Variants in HSD17B4 observed in about 807,000 individuals in gnomAD.
The protein encoded by HSD17B4 is peroxisomal multifunctional enzyme type 2.
HSD17B4 carries 70 observed loss-of-function variants against 101.0 expected under a neutral mutation model. The ratio of observed to expected loss-of-function variants is 0.69; its 90% CI spans 0.57 to 0.85. HSD17B4 has a LOEUF of 0.85. Ranked by LOEUF, HSD17B4 falls within the 40% of genes least tolerant of loss-of-function variation. HSD17B4 has a pLI of 0.00. For missense variants in HSD17B4, 984 were observed against 892.4 expected (o/e 1.10, Z -1.31); for synonymous variants, 347 against 297.1 (o/e 1.17, Z -1.73).
chr5:119,454,028 T>A (rs1248502904), intron 1 of HSD17B4, among the ~76,000 whole-genome samples: 1 of 152,220 alleles, frequency 6.6e-6, no homozygotes, highest in Non-Finnish European at 1.5e-5. Flanking sequence ...TTTGACACCA[T>A]TAGCATACTT....
intron 23 of HSD17B4, among the ~76,000 whole-genome samples, chr5:119,539,213 T>C (rs967391634): frequency 6.6e-6 from 1 of 151,982 alleles, no homozygotes; most frequent in Non-Finnish European, 1.5e-5. Flanking sequence ...TAGACTGCAT[T>C]AAGAAAATGT....
rs257969 is a variant in HSD17B4 at position 119,501,963 on chromosome 5, T to C, written c.1210-78T>C. ...GAGCCTGTGGATGGTAAAATGTCAC[T>C]TGCGAGTAACAGTATCCATAGGCAG... On this transcript the variant is annotated intron_variant, in intron 13 of 23. Coordinates refer to ENST00000510025, the MANE Select transcript of HSD17B4 (RefSeq NM_000414.4). 0.33 allele frequency: 273,013 copies of C among 838,078 alleles called. 48,142 individuals carry two copies. The highest frequency in any genetic ancestry group is 0.4 in the Admixed American group (22,565 of 55,764). 51.9% of individuals were successfully genotyped at this position (838,078 alleles called of 1,614,324 possible). A position where few individuals can be genotyped will look rare whatever the true frequency, so the allele number is the denominator to read the frequency against.
chr5:119,514,362 TA>T (rs887475140), intron 16 of HSD17B4, among the ~76,000 whole-genome samples: 12 of 152,366 alleles, frequency 7.9e-5, no homozygotes, highest in African/African-American at 2.9e-4. Context: ...TATTCTATAA[TA>T]AAATTTTGCC....
chr5:119,509,582 T>C (rs1751984871), intron 16 of HSD17B4: 7 of 387,500 alleles, frequency 1.8e-5, no homozygotes, highest in South Asian at 1.5e-4. Context: ...CAGAGACAAG[T>C]GAATGTTTAT....
At chr5:119,488,036 C>CT (rs1481069763) in intron 8 of HSD17B4, among the ~76,000 whole-genome samples, 2 of 152,086 alleles carry the variant, frequency 1.3e-5, no homozygotes, top group Non-Finnish European at 2.9e-5. Flanking sequence ...ATCTTTTTTA[C>CT]TTTAACACAT....
At position 119,515,321 on chromosome 5, in the gene HSD17B4, T is replaced by C. The variant is rs147341214; in HGVS notation, c.1503+275T>C. ...TTGCATGTTGTTGGTAATGGAGTGC[T>C]TTCTTTGGAGAGGCCGCCCACTTTA... is the stretch of plus-strand genomic sequence containing the variant. On this transcript the variant is annotated intron_variant, in intron 17 of 23. Transcript: ENST00000510025. Among the ~76,000 whole-genome samples the C allele has an allele frequency of 1.9e-4, 29 of 152,278 alleles. No homozygotes were observed. In the East Asian group the frequency reaches 4.6e-3, roughly 24 times the overall value.
In HSD17B4 at chr5:119,496,401, A is replaced by AC. The variant is rs1430644433; in HGVS notation, c.869-141dup. 1.9e-5 allele frequency: 12 copies of AC among 645,256 alleles called. No homozygotes were observed. In the Admixed American group the frequency reaches 3.2e-4, roughly 17 times the overall value. The allele number at this position is 645,256 out of a possible 1,614,324, so 40.0% of individuals were successfully genotyped here. ...ATTTTTTCCTTCAATAGCCTGACAT[A>AC]CATTCAGTTCATGAGTGGCAATGGA... is the stretch of plus-strand genomic sequence containing the variant. On this transcript the variant is annotated intron_variant, in intron 11 of 23. Coordinates refer to ENST00000510025, the MANE Select transcript of HSD17B4 (RefSeq NM_000414.4).
At chr5:119,530,479 G>A (rs918068019) in intron 21 of HSD17B4, among the ~76,000 whole-genome samples, 1 of 151,680 alleles carries the variant, frequency 6.6e-6, no homozygotes, top group African/African-American at 2.4e-5. Flanking sequence ...TTGAGGTTTC[G>A]ATACCCATGA....
At chr5:119,480,404 G>A (rs1749009792) in intron 8 of HSD17B4, among the ~76,000 whole-genome samples, 1 of 152,006 alleles carries the variant, frequency 6.6e-6, no homozygotes, top group African/African-American at 2.4e-5. Context: ...GGGTGTCCAG[G>A]GGAGACATCA....
At chr5:119,452,929 T>G in intron 1 of HSD17B4, 2 of 1,256,784 alleles carry the variant, frequency 1.6e-6, no homozygotes, top group East Asian at 2.5e-5. Context: ...AAGTTCTCCC[T>G]GACCCTTATC....
At chr5:119,453,154 C>T (rs1009914738) in intron 1 of HSD17B4, among the ~76,000 whole-genome samples, 4 of 152,218 alleles carry the variant, frequency 2.6e-5, no homozygotes, top group African/African-American at 9.6e-5. Flanking sequence ...AAGAGGGCGT[C>T]TGATAAGAGC....
intron 22 of HSD17B4, among the ~76,000 whole-genome samples, chr5:119,533,558 A>T (rs1754296848): frequency 6.6e-6 from 1 of 152,090 alleles, no homozygotes; most frequent in Admixed American, 6.6e-5. Context: ...TGTGTGCTTG[A>T]GGATGTTGAC....
chr5:119,485,203 CT>C (rs1184885403), intron 8 of HSD17B4, among the ~76,000 whole-genome samples: 6 of 152,104 alleles, frequency 3.9e-5, no homozygotes, highest in Non-Finnish European at 8.8e-5. Context: ...CCTTTAGTCA[CT>C]TTTTGCCATC....
chr5:119,510,783 C>G (rs994340499), intron 16 of HSD17B4, among the ~76,000 whole-genome samples: 2 of 152,144 alleles, frequency 1.3e-5, no homozygotes, highest in Non-Finnish European at 2.9e-5. Flanking sequence ...GAAACTGTAC[C>G]CCAGGCGTTT....
chr5:119,455,554 C>CTCTCTG (rs1754535143), intron 1 of HSD17B4, among the ~76,000 whole-genome samples: 1 of 128,304 alleles, frequency 7.8e-6, no homozygotes, highest in African/African-American at 2.8e-5. Flanking sequence ...CTCTCTCTCT[C>CTCTCTG]TCTCTCTCTC....
At chr5:119,472,365 G>A (rs1756457966) in intron 2 of HSD17B4, 1 of 151,842 alleles carries the variant, frequency 6.6e-6, no homozygotes, top group African/African-American at 2.4e-5. Flanking sequence ...GGTTTTAAGT[G>A]TACAATATAG....
intron 23 of HSD17B4, among the ~76,000 whole-genome samples, chr5:119,540,368 T>G (rs1282521859): frequency 1.3e-5 from 2 of 152,170 alleles, no homozygotes; most frequent in Non-Finnish European, 2.9e-5. Context: ...ACTGGCAATA[T>G]GGACGTATGG....
At chr5:119,459,529 T>A (rs1198550219) in intron 2 of HSD17B4, among the ~76,000 whole-genome samples, 1 of 152,214 alleles carries the variant, frequency 6.6e-6, no homozygotes, top group African/African-American at 2.4e-5. Context: ...TTCTGTTGCT[T>A]ATAACAGAAC....
intron 2 of HSD17B4, among the ~76,000 whole-genome samples, chr5:119,470,152 T>G (rs1294852072): frequency 2.0e-5 from 3 of 152,102 alleles, no homozygotes; most frequent in Non-Finnish European, 4.4e-5. Context: ...ATGTCAGCCT[T>G]TCTCTTCCTG....
Sources: allele counts gnomAD v4.1 joint callset (sites outside exome capture counted in the v4.1 genomes callset), GRCh38; gene constraint gnomAD v4.1.1; transcripts MANE v1.5; gene names NCBI Gene and HGNC (gene_info 2026-07-23, HGNC 2026-07-21).